The following ULK4 variants were observed in gnomAD, a reference collection of about 807,000 sequenced individuals.
ULK4 encodes the protein inactive serine/threonine-protein kinase ULK4.
In ULK4, 133 loss-of-function variants were observed where a neutral mutation model predicts 160.6. The observed-to-expected ratio is 0.83, with a 90% CI of 0.72 to 0.96. The LOEUF is 0.96. Among genes scored for constraint, ULK4 ranks in the 40% least tolerant of loss-of-function variants. The probability of loss-of-function intolerance (pLI) is 0.00; values close to 1 mark genes in which losing one functional copy is unlikely to be tolerated. For missense variants in ULK4, 1,580 were observed against 1,499.5 expected (o/e 1.05, Z -0.89); for synonymous variants, 534 against 539.8 (o/e 0.99, Z 0.15).
rs6773167 is a variant in ULK4 at position 41,930,884 on chromosome 3, G to A, written c.541+960C>T. On this transcript the variant is annotated intron_variant, in intron 5 of 36. Coordinates refer to ENST00000301831, the MANE Select transcript of ULK4 (RefSeq NM_017886.4). ...GGAGAAATAAGAATGCTTTTGGACT[G>A]TTGGTGGGAATGTAGATTGGTTCAA... is the stretch of plus-strand genomic sequence containing the variant. Among the ~76,000 whole-genome samples the A allele has an allele frequency of 2.6e-5, 4 of 152,222 alleles. No individual in the cohort carries two copies. The East Asian group carries it at 5.8e-4, about 22-fold the overall frequency.
intron 18 of ULK4, among the ~76,000 whole-genome samples, chr3:41,822,554 A>G (rs1232806115): frequency 1.3e-5 from 2 of 151,890 alleles, no homozygotes; most frequent in East Asian, 3.9e-4. Flanking sequence ...AGTAGCTGGG[A>G]TTACAGGCCT....
intron 34 of ULK4, among the ~76,000 whole-genome samples, chr3:41,427,781 T>C (rs1029423776): frequency 5.3e-5 from 8 of 152,140 alleles, no homozygotes; most frequent in Middle Eastern, 3.4e-3. Context: ...CAAAATAATA[T>C]GAGCCATTTA....
intron 35 of ULK4, among the ~76,000 whole-genome samples, chr3:41,277,425 G>A (rs1235566515): frequency 2.0e-5 from 3 of 152,176 alleles, no homozygotes; most frequent in Non-Finnish European, 2.9e-5. Context: ...TTTCATATTA[G>A]GGATGGAGGG....
At chr3:41,737,399 T>C (rs983673333) in intron 22 of ULK4, among the ~76,000 whole-genome samples, 3 of 151,996 alleles carry the variant, frequency 2.0e-5, no homozygotes, top group Non-Finnish European at 4.4e-5. Context: ...TCCATGCTCA[T>C]GGGTAGGAAG....
intron 30 of ULK4, among the ~76,000 whole-genome samples, chr3:41,652,988 T>C (rs1362957961): frequency 6.6e-6 from 1 of 152,202 alleles, no homozygotes; most frequent in Non-Finnish European, 1.5e-5. Context: ...AATGGCACAG[T>C]ATACTAACAA....
chr3:41,508,386 G>C (rs2085465082), intron 32 of ULK4, among the ~76,000 whole-genome samples: 1 of 152,062 alleles, frequency 6.6e-6, no homozygotes, highest in Admixed American at 6.5e-5. Context: ...ATAATCTCTT[G>C]GGCGCTCTAT....
At chr3:41,738,451 G>A (rs911800604) in intron 22 of ULK4, among the ~76,000 whole-genome samples, 7 of 151,906 alleles carry the variant, frequency 4.6e-5, no homozygotes, top group East Asian at 3.9e-4. Flanking sequence ...TGCTACCATT[G>A]GCCCTAAAAC....
At chr3:41,941,037 T>G (rs1390587152) in intron 2 of ULK4, among the ~76,000 whole-genome samples, 2 of 91,464 alleles carry the variant, frequency 2.2e-5, no homozygotes, top group Admixed American at 9.9e-5. Flanking sequence ...GTTCTTAACC[T>G]TTTTTTTTTT....
intron 32 of ULK4, among the ~76,000 whole-genome samples, chr3:41,514,125 A>G (rs1217324469): frequency 6.6e-6 from 1 of 152,172 alleles, no homozygotes; most frequent in Non-Finnish European, 1.5e-5. Flanking sequence ...GATTGTTTAA[A>G]AAAATTGAAA....
chr3:41,541,751 G>A (rs1313892402), intron 32 of ULK4, among the ~76,000 whole-genome samples: 3 of 152,084 alleles, frequency 2.0e-5, no homozygotes, highest in African/African-American at 4.8e-5. Flanking sequence ...CACATCCCTT[G>A]CAAGCTGGAT....
chr3:41,549,980 A>G (rs1408961081), intron 32 of ULK4, among the ~76,000 whole-genome samples: 1 of 152,144 alleles, frequency 6.6e-6, no homozygotes, highest in Admixed American at 6.5e-5. Context: ...TTCAAAATGT[A>G]AGACAAATAA....
intron 2 of ULK4, among the ~76,000 whole-genome samples, chr3:41,947,290 G>C (rs187015730): frequency 6.6e-6 from 1 of 152,160 alleles, no homozygotes; most frequent in Non-Finnish European, 1.5e-5. Flanking sequence ...CAGCCCGGGC[G>C]ACAGAGCGAG....
At chr3:41,655,279 A>G (rs1037754402) in intron 30 of ULK4, among the ~76,000 whole-genome samples, 6 of 151,522 alleles carry the variant, frequency 4.0e-5, no homozygotes, top group African/African-American at 1.5e-4. Flanking sequence ...TCGCAAGGAC[A>G]AAAAACCAAA....
chr3:41,447,660 C>T (rs926103735), intron 34 of ULK4, among the ~76,000 whole-genome samples: 21 of 152,270 alleles, frequency 1.4e-4, no homozygotes, highest in Middle Eastern at 3.4e-3. Flanking sequence ...TCAGAGGCTT[C>T]GTGCTCACCA....
intron 32 of ULK4, among the ~76,000 whole-genome samples, chr3:41,493,478 A>G (rs1485538899): frequency 2.3e-5 from 3 of 128,022 alleles, no homozygotes; most frequent in Admixed American, 7.7e-5. Context: ...AGAAAGCAAG[A>G]AAGATCCAAA....
intron 17 of ULK4, among the ~76,000 whole-genome samples, chr3:41,880,735 C>G (rs547953377): frequency 3.7e-4 from 57 of 152,172 alleles, no homozygotes; most frequent in Non-Finnish European, 7.2e-4. Context: ...ACCAGCCTGA[C>G]CAACATGATG....
rs555257078 is a variant in ULK4 at position 41,693,432 on chromosome 3, C to T, written c.2781+11625G>A. On this transcript the variant is annotated intron_variant, in intron 27 of 36. Coordinates refer to ENST00000301831, the MANE Select transcript of ULK4 (RefSeq NM_017886.4). The stretch of plus-strand genomic sequence containing the variant: ...TTATAATTACAAATATTAGCAACTA[C>T]CTAGTGGGCCAAACATTGGTGGAAT... Among the ~76,000 whole-genome samples, 4 of 152,274 alleles carry T rather than the reference C, an allele frequency of 2.6e-5. No individual in the cohort carries two copies. The South Asian group carries it at 6.2e-4, about 24-fold the overall frequency.
intron 35 of ULK4, among the ~76,000 whole-genome samples, chr3:41,326,358 G>A (rs547602635): frequency 7.2e-5 from 11 of 151,960 alleles, no homozygotes; most frequent in Non-Finnish European, 8.8e-5. Flanking sequence ...ATGCCTGCCC[G>A]CTACAATCCC....
At chr3:41,388,355 C>G (rs999680432) in intron 35 of ULK4, among the ~76,000 whole-genome samples, 2 of 151,870 alleles carry the variant, frequency 1.3e-5, no homozygotes, top group Non-Finnish European at 2.9e-5. Flanking sequence ...GTTTCTTTTG[C>G]TGTGCAGAAG....
Sources: allele counts gnomAD v4.1 joint callset (sites outside exome capture counted in the v4.1 genomes callset), GRCh38; gene constraint gnomAD v4.1.1; transcripts MANE v1.5; gene names NCBI Gene and HGNC (gene_info 2026-07-23, HGNC 2026-07-21).